IAH1: variants seen among roughly 807,000 people sequenced by gnomAD.
IAH1 encodes isoamyl acetate hydrolyzing esterase 1 (putative).
A neutral mutation model predicts 26.7 loss-of-function variants in IAH1; 24 were observed. That is an observed-to-expected ratio of 0.90 (90% CI 0.65 to 1.26). IAH1 has a LOEUF of 1.26. Among genes scored for constraint, IAH1 ranks in the 50% most tolerant of loss-of-function variants. The pLI is 0.00. For synonymous variants in IAH1, 140 were observed against 118.5 expected, an observed-to-expected ratio of 1.18 and a Z score of -1.18; for missense variants, 300 against 299.9, an observed-to-expected ratio of 1.00 and a Z score of 0.00.
At chr2:9,484,664 T>TA in intron 5 of IAH1, 114 bp downstream of exon 5, 2 of 699,408 alleles carry the variant, frequency 2.9e-6, no homozygotes, top group Non-Finnish European at 2.5e-6. Context: ...CAGTCATCCC[T>TA]TTAGCCAATG....
the IAH1 span, among the ~76,000 whole-genome samples, chr2:9,504,814 G>C: frequency 1.3e-5 from 2 of 151,712 alleles, no homozygotes; most frequent in Non-Finnish European, 2.9e-5. Flanking sequence ...CTAAACCAAG[G>C]AGCATGCAAG....
At chr2:9,506,334 C>CT in the IAH1 span, among the ~76,000 whole-genome samples, 1 of 130,220 alleles carries the variant, frequency 7.7e-6, no homozygotes, top group Non-Finnish European at 1.6e-5. Flanking sequence ...TACTAACTGG[C>CT]TTTTTAAAAA....
chr2:9,487,827 T>TGCGC (rs1364629361), intron 5 of IAH1, among the ~76,000 whole-genome samples: 20 of 97,242 alleles, frequency 2.1e-4, no homozygotes, highest in Middle Eastern at 5.1e-3. Flanking sequence ...TGTGTGTGTG[T>TGCGC]GTGTGTGCGC....
rs1249781039 is a variant in IAH1 at position 9,487,786 on chromosome 2, TTTTGTG to T, written c.565-359_565-354del. Reference sequence around the variant, plus strand: ...AAGTTATACCCTCCCTCCCCGGCCTTTTTGTGTGTGTGTGTGTGTGTGTGTGTGTGT... The same window carrying T: ...AAGTTATACCCTCCCTCCCCGGCCTTTGTGTGTGTGTGTGTGTGTGTGTGT... On this transcript the variant is annotated intron_variant, in intron 5 of 5. Coordinates refer to ENST00000497473, the MANE Select transcript of IAH1 (RefSeq NM_001039613.3). 5.1e-5 allele frequency among the ~76,000 whole-genome samples: 6 copies of T among 117,550 alleles called. No homozygotes were observed. In the East Asian group the frequency reaches 8.2e-4, roughly 16 times the overall value. The allele number at this position is 117,550 out of a possible 152,430, so 77.1% of individuals were successfully genotyped here.
chr2:9,487,823 TGTGTGTGTGTGCGCGCGCGC>T (rs1205905682), intron 5 of IAH1, among the ~76,000 whole-genome samples: 193 of 97,408 alleles, frequency 2.0e-3, no homozygotes, highest in African/African-American at 7.0e-3. Context: ...TGTGTGTGTG[TGTGTGTGTGTGCGCGCGCGC>T]GCGCGCGCTG....
intron 1 of IAH1, among the ~76,000 whole-genome samples, chr2:9,475,458 T>G (rs952163408): frequency 6.6e-6 from 1 of 152,166 alleles, no homozygotes; most frequent in Non-Finnish European, 1.5e-5. Context: ...GACCTTTGAC[T>G]TTATTTCCTG....
rs188277467 is a variant in IAH1, at chr2:9,481,324, G to A, written c.322G>A (p.Ala108Thr). 133 of 1,614,154 alleles carry A rather than the reference G, an allele frequency of 8.2e-5. No individual in the cohort carries two copies. Among genetic ancestry groups the A allele is most frequent in the Middle Eastern group, 1.6e-4 (1 of 6,062 alleles). ...GCAGCACATTCCCCTGGAGGAGTAC[G>A]CTGCGAACCTAAAGAGCATGGTGCA... ...PKQHIPLEEY[A>T]ANLKSMVQYL... Residue 108 changes from alanine (A) to threonine (T), a missense_variant, in exon 4 of 6, where the codon GCT becomes ACT. Transcript: ENST00000497473.
intron 5 of IAH1, chr2:9,487,341 T>C (rs1468899824): frequency 6.6e-6 from 1 of 152,194 alleles, no homozygotes; most frequent in Non-Finnish European, 1.5e-5. Context: ...CTAGGTTAGA[T>C]GGTAGAAGTT....
At chr2:9,505,343 T>A in the IAH1 span, 1 of 1,614,172 alleles carries the variant, frequency 6.2e-7, no homozygotes. Flanking sequence ...ATAGATTGAT[T>A]GTTTACTGCA....
intron 3 of IAH1, among the ~76,000 whole-genome samples, chr2:9,479,872 G>A (rs1011607760): frequency 4.5e-5 from 6 of 132,976 alleles, no homozygotes; most frequent in South Asian, 2.4e-4. Flanking sequence ...GAAGTGATAC[G>A]GTCTCGGCTC....
chr2:9,505,448 C>A, the IAH1 span: 1 of 1,404,074 alleles, frequency 7.1e-7, no homozygotes, highest in Non-Finnish European at 9.9e-7. Flanking sequence ...TCTCTAGAGA[C>A]AAACTCTTAA....
At chr2:9,483,588 C>T (rs1265537682) in intron 4 of IAH1, among the ~76,000 whole-genome samples, 1 of 152,142 alleles carries the variant, frequency 6.6e-6, no homozygotes, top group Non-Finnish European at 1.5e-5. Context: ...CTCATGCTTT[C>T]TCTTTAATAC....
chr2:9,504,399 C>T, the IAH1 span, among the ~76,000 whole-genome samples: 8 of 151,938 alleles, frequency 5.3e-5, no homozygotes, highest in South Asian at 1.5e-3. Context: ...GCGCTGAGAT[C>T]GCGCCACTGC....
At chr2:9,475,341 G>C (rs1166837121) in intron 1 of IAH1, 1 of 544,790 alleles carries the variant, frequency 1.8e-6, no homozygotes, top group Non-Finnish European at 3.1e-6. Flanking sequence ...TAGGCATATG[G>C]GGCAGTCAGA....
the IAH1 span, among the ~76,000 whole-genome samples, chr2:9,506,359 GTTTTTTTTTTTTT>G: frequency 3.8e-4 from 28 of 73,208 alleles, no homozygotes; most frequent in Admixed American, 1.4e-3. Context: ...CTTCAAATCT[GTTTTTTTTTTTTT>G]TTTTTTTTTT....
At chr2:9,475,029 A>T (rs1183184635) in intron 1 of IAH1, 11 of 1,139,164 alleles carry the variant, frequency 9.7e-6, no homozygotes, top group Non-Finnish European at 1.2e-5. Context: ...GCTGTGTCCC[A>T]GGAGGCCCCG....
At chr2:9,508,723 C>T in the IAH1 span, among the ~76,000 whole-genome samples, 13 of 152,260 alleles carry the variant, frequency 8.5e-5, no homozygotes, top group African/African-American at 2.4e-4. Context: ...AGAGCAGACA[C>T]AAAACATCCC....
the IAH1 span, among the ~76,000 whole-genome samples, chr2:9,505,000 G>C: frequency 2.0e-5 from 3 of 152,114 alleles, no homozygotes; most frequent in East Asian, 3.9e-4. Flanking sequence ...CACCGTGCCA[G>C]GCCCAGAAAG....
Position 9,474,678 on chromosome 2 carries a change from C to T in IAH1, c.81+31C>T. On this transcript the variant is annotated intron_variant, in intron 1 of 5. Transcript: ENST00000497473. The surrounding 1 kb of genome is among the most constrained non-coding windows in gnomAD (Gnocchi z 4.3). ...GCCGCCCCGACGCTCGGCCTCCCGC[C>T]CCGGCCTCCCTGCGGGGTCGCTGCC... 2 of 1,487,350 alleles carry T rather than the reference C, an allele frequency of 1.3e-6. No individual in the cohort carries two copies. Among genetic ancestry groups the T allele is most frequent in the Non-Finnish European group, 9.0e-7 (1 of 1,105,146 alleles). The allele number at this position is 1,487,350 out of a possible 1,614,324, so 92.1% of individuals were successfully genotyped here.
Sources: gnomAD v4.1 joint callset for allele counts (sites outside exome capture counted in the v4.1 genomes callset) on GRCh38, gnomAD v4.1.1 for gene constraint, Gnocchi (gnomAD v3.1) non-coding constraint, MANE v1.5 for transcripts, NCBI Gene and HGNC (gene_info 2026-07-23, HGNC 2026-07-21) for gene names.